Variants in LINGO2 observed in about 807,000 individuals in gnomAD.
The protein encoded by LINGO2 is leucine-rich repeat and immunoglobulin-like domain-containing nogo receptor-interacting protein 2.
In LINGO2, 14 loss-of-function variants were observed where a neutral mutation model predicts 30.6. That is an observed-to-expected ratio of 0.46 (90% CI 0.30 to 0.72). LINGO2 has a LOEUF of 0.72. Among genes scored for constraint, LINGO2 ranks in the 30% least tolerant of loss-of-function variants. The probability of loss-of-function intolerance (pLI) is 0.07; values close to 1 mark genes in which losing one functional copy is unlikely to be tolerated. For missense variants in LINGO2, 729 were observed against 751.7 expected (o/e 0.97, Z 0.35); for synonymous variants, 317 against 288.5 (o/e 1.10, Z -1.00).
At chr9:27,965,970 A>G (rs1055055742) in intron 5 of LINGO2, among the ~76,000 whole-genome samples, 2 of 152,072 alleles carry the variant, frequency 1.3e-5, no homozygotes. Flanking sequence ...TATTATTCTC[A>G]GTTTTCTTAC....
chr9:28,903,327 A>G, the LINGO2 span, among the ~76,000 whole-genome samples: 1 of 152,194 alleles, frequency 6.6e-6, no homozygotes, highest in African/African-American at 2.4e-5. Flanking sequence ...TGACTCATGA[A>G]GAAACAGAAA....
the LINGO2 span, among the ~76,000 whole-genome samples, chr9:28,847,811 GTATATATACATATATA>G: frequency 7.8e-3 from 278 of 35,564 alleles, 24 homozygotes; most frequent in African/African-American, 0.023. Flanking sequence ...TAGTATATAT[GTATATATACATATATA>G]TGTATAGTAT....
At chr9:29,102,614 T>C in the LINGO2 span, among the ~76,000 whole-genome samples, 1 of 152,152 alleles carries the variant, frequency 6.6e-6, no homozygotes, top group Non-Finnish European at 1.5e-5. Flanking sequence ...GTTTTTATCT[T>C]AACCTGAAGG....
chr9:28,668,111 T>G (rs578157933), intron 1 of LINGO2, among the ~76,000 whole-genome samples: 1 of 152,296 alleles, frequency 6.6e-6, no homozygotes, highest in South Asian at 2.1e-4. Context: ...AAAATAATCT[T>G]TAAAACCCCA....
At chr9:28,829,647 G>A in the LINGO2 span, among the ~76,000 whole-genome samples, 1 of 152,114 alleles carries the variant, frequency 6.6e-6, no homozygotes, top group African/African-American at 2.4e-5. Flanking sequence ...CAGCACTTTG[G>A]GAGGCCGAGG....
chr9:29,162,371 T>C, the LINGO2 span, among the ~76,000 whole-genome samples: 8,472 of 152,304 alleles, frequency 0.056, 321 homozygotes, highest in Middle Eastern at 0.1. Flanking sequence ...ACTTTATGAA[T>C]TCATGTTTGA....
intron 3 of LINGO2, among the ~76,000 whole-genome samples, chr9:28,370,150 C>T (rs7850127): frequency 0.5 from 76,500 of 152,034 alleles, 20,764 homozygotes; most frequent in Non-Finnish European, 0.59. Context: ...TATTTAAAAA[C>T]TGAGTCTACT....
At chr9:28,578,777 G>A (rs1824115587) in intron 1 of LINGO2, among the ~76,000 whole-genome samples, 1 of 152,076 alleles carries the variant, frequency 6.6e-6, no homozygotes, top group Non-Finnish European at 1.5e-5. Context: ...AACCTTAACT[G>A]TGACTTGCTA....
chr9:28,936,872 G>A, the LINGO2 span, among the ~76,000 whole-genome samples: 1 of 152,150 alleles, frequency 6.6e-6, no homozygotes, highest in Admixed American at 6.5e-5. Context: ...GAGGCTGTAA[G>A]TCCAACATCA....
chr9:28,974,243 A>T, the LINGO2 span, among the ~76,000 whole-genome samples: 1 of 152,090 alleles, frequency 6.6e-6, no homozygotes, highest in African/African-American at 2.4e-5. Flanking sequence ...CATCTCTACC[A>T]AAAATACAAA....
chr9:27,958,754 T>C (rs1819698399), intron 5 of LINGO2, among the ~76,000 whole-genome samples: 1 of 150,040 alleles, frequency 6.7e-6, no homozygotes, highest in African/African-American at 2.5e-5. Context: ...ACTTGGAACG[T>C]ATACCCTGTG....
At chr9:28,776,528 C>T in the LINGO2 span, among the ~76,000 whole-genome samples, 7 of 152,124 alleles carry the variant, frequency 4.6e-5, no homozygotes, top group East Asian at 1.3e-3. Flanking sequence ...ATAATCCTTC[C>T]CTAGAGTATC....
chr9:28,479,911 G>GTATATA (rs58972403), intron 1 of LINGO2, among the ~76,000 whole-genome samples: 35 of 49,770 alleles, frequency 7.0e-4, no homozygotes, highest in Non-Finnish European at 1.0e-3. Context: ...ATATACGTAG[G>GTATATA]TATATATATA....
chr9:28,709,604 G>GTATTA, the LINGO2 span, among the ~76,000 whole-genome samples: 1 of 151,898 alleles, frequency 6.6e-6, no homozygotes, highest in Admixed American at 6.6e-5. Flanking sequence ...ATGTCAGGAA[G>GTATTA]TATTAGTACA....
At chr9:28,700,182 CCT>C in the LINGO2 span, among the ~76,000 whole-genome samples, 10 of 152,064 alleles carry the variant, frequency 6.6e-5, no homozygotes, top group East Asian at 1.9e-3. Context: ...CTGTAAAATT[CCT>C]CTCTTTGTAC....
At chr9:28,043,874 T>C (rs545019686) in intron 4 of LINGO2, among the ~76,000 whole-genome samples, 20 of 152,350 alleles carry the variant, frequency 1.3e-4, no homozygotes, top group Non-Finnish European at 2.1e-4. Flanking sequence ...AGTATCCGTT[T>C]AGTCAATGTT....
chr9:28,435,112 C>G (rs1405812538), intron 2 of LINGO2, among the ~76,000 whole-genome samples: 8 of 152,026 alleles, frequency 5.3e-5, no homozygotes, highest in Admixed American at 5.2e-4. Flanking sequence ...AGAACATAAA[C>G]TGAGCACTCA....
chr9:28,487,987 C>T (rs1188200176), intron 1 of LINGO2, among the ~76,000 whole-genome samples: 3 of 152,134 alleles, frequency 2.0e-5, no homozygotes, highest in Non-Finnish European at 2.9e-5. Context: ...TAAAAGTATA[C>T]ACACATGTAT....
intron 5 of LINGO2, among the ~76,000 whole-genome samples, chr9:27,985,739 C>T (rs1389938547): frequency 6.6e-6 from 1 of 151,654 alleles, no homozygotes; most frequent in East Asian, 2.0e-4. Context: ...AAGCAAAATC[C>T]CCTTGAAATT....
Sources: allele counts gnomAD v4.1 joint callset (sites outside exome capture counted in the v4.1 genomes callset), GRCh38; gene constraint gnomAD v4.1.1; transcripts MANE v1.5; gene names NCBI Gene and HGNC (gene_info 2026-07-23, HGNC 2026-07-21).